PRKCSH: variants seen among roughly 807,000 people sequenced by gnomAD.
PRKCSH encodes the protein glucosidase 2 subunit beta.
PRKCSH carries 42 observed loss-of-function variants against 79.7 expected under a neutral mutation model. The observed-to-expected ratio is 0.53, with a 90% CI of 0.41 to 0.68. PRKCSH has a LOEUF of 0.68. PRKCSH is among the 30% of genes least tolerant of loss of function. The probability of loss-of-function intolerance (pLI) is 0.00; values close to 1 mark genes in which losing one functional copy is unlikely to be tolerated. For synonymous variants in PRKCSH, 325 were observed against 288.2 expected (o/e 1.13, Z -1.29); for missense variants, 686 against 709.0 (o/e 0.97, Z 0.37).
rs754181375 is a variant in PRKCSH at position 11,441,237 on chromosome 19, C to T, written c.351-3C>T. The T allele has an allele frequency of 1.3e-5, 21 of 1,613,790 alleles. No homozygotes were observed. Among genetic ancestry groups the T allele is most frequent in the Non-Finnish European group, 1.5e-5 (18 of 1,179,900 alleles). The stretch of plus-strand genomic sequence containing the variant: ...GTGGTGCCTGTGTGTCTCCGCACCG[C>T]AGAGAGAAGGGCCGTAAGGAGAGAG... On this transcript the variant is annotated splice_region_variant and splice_polypyrimidine_tract_variant and intron_variant, in intron 5 of 17. Transcript: ENST00000677123.
Position 11,447,140 on chromosome 19 carries a change from A to G in PRKCSH, c.829A>G (p.Arg277Gly). 1.2e-6 allele frequency: 2 copies of G among 1,613,942 alleles called. No homozygotes were observed. The change falls in exon 10 of 18, where the codon AGG becomes GGG. Residue 277 changes from arginine to glycine, a missense_variant. This residue lies in a region of PRKCSH where 549 missense variants were observed against 520.2 expected (regional missense o/e 1.06). Transcript: ENST00000677123. The surrounding 1 kb of genome is among the most constrained non-coding windows in gnomAD (Gnocchi z 5.6). ...CTACGACCGCGTCTGGGCCGCCATC[A>G]GGGACAAGTACCGGTCCGAGGTCAG... ...SFYDRVWAAI[R>G]DKYRSEALPT... is the part of the protein sequence containing the mutation.
Position 11,448,836 on chromosome 19 carries a change from A to G in PRKCSH, c.1287-78A>G. 4 of 1,548,398 alleles carry G rather than the reference A, an allele frequency of 2.6e-6. No homozygotes were observed. Among genetic ancestry groups the G allele is most frequent in the Non-Finnish European group, 3.6e-6 (4 of 1,121,094 alleles). On this transcript the variant is annotated intron_variant, in intron 14 of 17. Transcript: ENST00000677123. This position sits in a 1 kb window ranked among gnomAD's most constrained non-coding sequence, Gnocchi z 4.4. The stretch of plus-strand genomic sequence containing the variant: ...GAGGTACCCTGTGTGTGGGGACTGG[A>G]GGAGGCGGTGGGGGGTGGCTGTGGG...
intron 6 of PRKCSH, 141 bp from the exon 7 acceptor site, chr19:11,442,245 C>G (rs1599493396): frequency 7.8e-7 from 1 of 1,279,150 alleles, no homozygotes; most frequent in South Asian, 1.3e-5. Flanking sequence ...ACAGGGAACC[C>G]CAGCTCGGGA....
Position 11,448,784 on chromosome 19 carries a change from C to A in PRKCSH, c.1287-130C>A. On this transcript the variant is annotated intron_variant, in intron 14 of 17. Coordinates refer to ENST00000677123, the MANE Select transcript of PRKCSH (RefSeq NM_001289104.2). This position sits in a 1 kb window ranked among gnomAD's most constrained non-coding sequence, Gnocchi z 4.4. ...TTGAGGGGGAGCAGAAGCCAGGGGC[C>A]AGGTTTAGGGTTGGTCATTGGAGTT... 7.4e-7 allele frequency: 1 copy of A among 1,359,724 alleles called. No homozygotes were observed. The highest frequency in any genetic ancestry group is 1.0e-6 in the Non-Finnish European group (1 of 954,134). 84.2% of individuals were successfully genotyped at this position (1,359,724 alleles called of 1,614,324 possible).
Position 11,448,847 on chromosome 19 carries a change from G to A in PRKCSH, c.1287-67G>A. On this transcript the variant is annotated intron_variant, in intron 14 of 17. Coordinates refer to ENST00000677123, the MANE Select transcript of PRKCSH (RefSeq NM_001289104.2). This position sits in a 1 kb window ranked among gnomAD's most constrained non-coding sequence, Gnocchi z 4.4. The stretch of plus-strand genomic sequence containing the variant: ...TGTGTGGGGACTGGAGGAGGCGGTG[G>A]GGGGTGGCTGTGGGAGGAGGCTGGA... The A allele has an allele frequency of 6.3e-7, 1 of 1,580,062 alleles. No homozygotes were observed. The highest frequency in any genetic ancestry group is 8.7e-7 in the Non-Finnish European group (1 of 1,149,460).
intron 2 of PRKCSH, 70 bp downstream of exon 2, chr19:11,436,266 G>A (rs751610098): frequency 6.3e-7 from 1 of 1,592,466 alleles, no homozygotes; most frequent in East Asian, 2.2e-5. Context: ...TTAGGGATAG[G>A]CATTTACAGC....
chr19:11,449,115 C>T lies in PRKCSH; in HGVS notation c.1401C>T (p.Phe467=). The change falls in exon 16 of 18, where the codon TTC becomes TTT. Residue 467 remains phenylalanine, a synonymous_variant. Transcript: ENST00000677123. The surrounding 1 kb of genome is among the most constrained non-coding windows in gnomAD (Gnocchi z 6.4). ...GSWIGPDHDK[F]SAMKYEQGTG... ...GGATTGGCCCCGACCACGACAAGTTCAGTGCCATGAAGTATGAGCAAGGCA... is the reference window on the plus strand; with the variant it reads ...GGATTGGCCCCGACCACGACAAGTTTAGTGCCATGAAGTATGAGCAAGGCA... 2 of 1,613,862 alleles carry T rather than the reference C, an allele frequency of 1.2e-6. No individual in the cohort carries two copies. The highest frequency in any genetic ancestry group is 1.7e-6 in the Non-Finnish European group (2 of 1,180,036).
At chr19:11,445,216 C>T (rs1314647754) in intron 7 of PRKCSH, among the ~76,000 whole-genome samples, 173 bp from the exon 8 acceptor site, 1 of 152,224 alleles carries the variant, frequency 6.6e-6, no homozygotes, top group African/African-American at 2.4e-5. Context: ...TGCTCTTCGT[C>T]TGTTCTCCCC....
Position 11,448,902 on chromosome 19 carries a change from G to A in PRKCSH, c.1287-12G>A, listed in dbSNP as rs199500982. The A allele has an allele frequency of 1.5e-4, 245 of 1,613,960 alleles. No homozygotes were observed. The highest frequency in any genetic ancestry group is 2.0e-4 in the Non-Finnish European group (233 of 1,180,004). ...CTGCGTTCCCCAACCCATATGTCCC[G>A]GTCCTCCACAGATACGTCTACCGCC... On this transcript the variant is annotated splice_polypyrimidine_tract_variant and intron_variant, in intron 14 of 17. Coordinates refer to ENST00000677123, the MANE Select transcript of PRKCSH (RefSeq NM_001289104.2). This position sits in a 1 kb window ranked among gnomAD's most constrained non-coding sequence, Gnocchi z 4.4.
At position 11,438,138 on chromosome 19, in the gene PRKCSH, A is replaced by G. The variant is rs1568361628; in HGVS notation, c.350+14A>G. On this transcript the variant is annotated intron_variant, in intron 5 of 17. Coordinates refer to ENST00000677123, the MANE Select transcript of PRKCSH (RefSeq NM_001289104.2). The stretch of plus-strand genomic sequence containing the variant: ...GAACACCTGCAAGTACGTGGGTGAC[A>G]GTACCCCTCCCATCACCCCACCCCA... The G allele has an allele frequency of 6.2e-7, 1 of 1,613,734 alleles. No individual in the cohort carries two copies.
chr19:11,447,799 G>T lies in PRKCSH; in HGVS notation c.1126+10G>T. The T allele has an allele frequency of 6.4e-7, 1 of 1,557,860 alleles. No individual in the cohort carries two copies. Among genetic ancestry groups the T allele is most frequent in the Non-Finnish European group, 8.7e-7 (1 of 1,152,398 alleles). On this transcript the variant is annotated intron_variant, in intron 12 of 17. Transcript: ENST00000677123. The surrounding 1 kb of genome is among the most constrained non-coding windows in gnomAD (Gnocchi z 5.6). ...CAGGCCTTCATCGATGGTGAGGGTG[G>T]GCGGGGGCCAGGCTCCTCGGGTGGG...
Position 11,445,696 on chromosome 19 carries a change from G to A in PRKCSH, c.683+223G>A. The A allele has an allele frequency of 8.2e-6, 5 of 612,274 alleles. No homozygotes were observed. In the Admixed American group the frequency reaches 9.8e-5, roughly 12 times the overall value. The allele number at this position is 612,274 out of a possible 1,614,324, so 37.9% of individuals were successfully genotyped here. On this transcript the variant is annotated intron_variant, in intron 8 of 17. Transcript: ENST00000677123. ...GGACCACCCTCTCCCCAGGAGCTGGGCACAGACCCTCAGCCTCAGGGAGTG... is the reference window on the plus strand; with the variant it reads ...GGACCACCCTCTCCCCAGGAGCTGGACACAGACCCTCAGCCTCAGGGAGTG...
At chr19:11,438,765 C>CA (rs543509035) in intron 5 of PRKCSH, among the ~76,000 whole-genome samples, 2,176 of 88,366 alleles carry the variant, frequency 0.025, 29 homozygotes, top group Non-Finnish European at 0.028. Context: ...AAAAAAAAAG[C>CA]AAAAAAAAAA....
intron 5 of PRKCSH, 81 bp from the exon 6 acceptor site, chr19:11,441,159 G>A: frequency 3.5e-6 from 5 of 1,410,020 alleles, no homozygotes; most frequent in Non-Finnish European, 5.0e-6. Context: ...GGCCACAGCT[G>A]GATTGAGCTA....
Position 11,448,373 on chromosome 19 carries a change from C to T in PRKCSH, c.1196+82C>T, listed in dbSNP as rs568422321. 48 of 1,518,236 alleles carry T rather than the reference C, an allele frequency of 3.2e-5. No homozygotes were observed. The South Asian group carries it at 5.2e-4, about 17-fold the overall frequency. The allele number at this position is 1,518,236 out of a possible 1,614,324, so 94.0% of individuals were successfully genotyped here. ...CAGGGGAGCTGGTGATGGGGAATCA[C>T]TGAGGCAACCACAGGCTGGGCCTGG... On this transcript the variant is annotated intron_variant, in intron 13 of 17. Coordinates refer to ENST00000677123, the MANE Select transcript of PRKCSH (RefSeq NM_001289104.2). The surrounding 1 kb of genome is among the most constrained non-coding windows in gnomAD (Gnocchi z 4.4).
intron 3 of PRKCSH, 48 bp from the exon 4 acceptor site, chr19:11,437,828 C>G (rs1395524549): frequency 6.7e-7 from 1 of 1,485,158 alleles, no homozygotes; most frequent in South Asian, 1.1e-5. Context: ...TGGGACATGT[C>G]TGTCCCTGAG....
At chr19:11,446,174 G>A (rs1970286595) in intron 8 of PRKCSH, 98 bp from the exon 9 acceptor site, 2 of 1,330,320 alleles carry the variant, frequency 1.5e-6, no homozygotes. Flanking sequence ...GTTCCAGGGT[G>A]GGGCCCTGCA....
intron 3 of PRKCSH, among the ~76,000 whole-genome samples, chr19:11,436,874 A>G (rs1969778138): frequency 6.6e-6 from 1 of 152,110 alleles, no homozygotes; most frequent in South Asian, 2.1e-4. Flanking sequence ...GTGTGTTTTG[A>G]AGAGACAGGG....
At chr19:11,435,779 T>G in intron 1 of PRKCSH, 73 bp downstream of exon 1, 1 of 1,396,456 alleles carries the variant, frequency 7.2e-7, no homozygotes, top group Non-Finnish European at 9.4e-7. Context: ...CATGTGTGGG[T>G]GTGGACGGCG....
Sources: allele counts gnomAD v4.1 joint callset (sites outside exome capture counted in the v4.1 genomes callset), GRCh38; gene constraint gnomAD v4.1.1; regional missense constraint gnomAD v4.1.1; non-coding constraint Gnocchi (gnomAD v3.1); transcripts MANE v1.5; gene names NCBI Gene and HGNC (gene_info 2026-07-23, HGNC 2026-07-21).